The following GALNT18 variants were observed in gnomAD, a reference collection of about 807,000 sequenced individuals.
The protein encoded by GALNT18 is GalNAc-transferase 18.
In GALNT18, 44 loss-of-function variants were observed where a neutral mutation model predicts 69.5. The ratio of observed to expected loss-of-function variants is 0.63; its 90% CI spans 0.50 to 0.81. The LOEUF (loss-of-function observed/expected upper bound fraction) is 0.81. Among genes scored for constraint, GALNT18 ranks in the 40% least tolerant of loss-of-function variants. GALNT18 has a pLI of 0.00. For missense variants in GALNT18, 715 were observed against 810.0 expected, an observed-to-expected ratio of 0.88 and a Z score of 1.42; for synonymous variants, 364 against 318.2, an observed-to-expected ratio of 1.14 and a Z score of -1.53.
rs1855005209 is a variant in GALNT18 at position 11,421,598 on chromosome 11, G to A, written c.595+11023C>T. 6.6e-6 allele frequency among the ~76,000 whole-genome samples: 1 copy of A among 152,146 alleles called. No individual in the cohort carries two copies. The highest frequency in any genetic ancestry group is 1.5e-5 in the Non-Finnish European group (1 of 68,032). ...AACAGCAAGTTGACAGGAAACAGAG[G>A]CAGGCCAAACGCAGGACCAATGCAG... is the stretch of plus-strand genomic sequence containing the variant. On this transcript the variant is annotated intron_variant, in intron 3 of 10. Coordinates refer to ENST00000227756, the MANE Select transcript of GALNT18 (RefSeq NM_198516.3). This position sits in a 1 kb window ranked among gnomAD's most constrained non-coding sequence, Gnocchi z 5.6.
At chr11:11,553,188 G>A (rs1179856787) in intron 1 of GALNT18, among the ~76,000 whole-genome samples, 1 of 152,164 alleles carries the variant, frequency 6.6e-6, no homozygotes, top group Non-Finnish European at 1.5e-5. Context: ...TCTCAAGTTC[G>A]AGAACCACTC....
chr11:11,432,691 G>C lies in GALNT18; in HGVS notation c.525C>G (p.His175Gln), dbSNP rs759034182. Residue 175 changes from histidine (H) to glutamine (Q), a missense_variant, in exon 3 of 11, where the codon CAC becomes CAG. Transcript: ENST00000227756. This position sits in a 1 kb window ranked among gnomAD's most constrained non-coding sequence, Gnocchi z 5.8. The stretch of plus-strand genomic sequence containing the variant: ...GTGGGGGCGTGCGTTCCATGGCCGA[G>C]TGGATGGAGCGCAGCAGCACTGAAA... Reference protein sequence around the residue: ...EALSVLLRSIHSAMERTPPHL... With the variant: ...EALSVLLRSIQSAMERTPPHL... The C allele has an allele frequency of 6.2e-7, 1 of 1,613,714 alleles. No homozygotes were observed. The highest frequency in any genetic ancestry group is 1.1e-5 in the South Asian group (1 of 90,866).
In GALNT18 at chr11:11,387,853, C is replaced by G. The variant is rs535819531; in HGVS notation, c.596-8589G>C. Among the ~76,000 whole-genome samples, 2 of 152,202 alleles carry G rather than the reference C, an allele frequency of 1.3e-5. No individual in the cohort carries two copies. The highest frequency in any genetic ancestry group is 4.8e-5 in the African/African-American group (2 of 41,458). ...GGGCAGCTGGGATCCCGGAGAGCTC[C>G]GGGCAGCATTGCTGCGTGTATTCCT... On this transcript the variant is annotated intron_variant, in intron 3 of 10. Transcript: ENST00000227756. This position sits in a 1 kb window ranked among gnomAD's most constrained non-coding sequence, Gnocchi z 4.6.
chr11:11,459,654 G>A lies in GALNT18; in HGVS notation c.236-10718C>T, dbSNP rs920548849. On this transcript the variant is annotated intron_variant, in intron 1 of 10. Transcript: ENST00000227756. The surrounding 1 kb of genome is among the most constrained non-coding windows in gnomAD (Gnocchi z 5.0). Reference sequence around the variant, plus strand: ...CCTCTCTGAAGCTCAGCTTGCTGTCGAATGTGGATAATAATGTCTATGTCT... The same window carrying A: ...CCTCTCTGAAGCTCAGCTTGCTGTCAAATGTGGATAATAATGTCTATGTCT... Among the ~76,000 whole-genome samples, 3 of 152,194 alleles carry A rather than the reference G, an allele frequency of 2.0e-5. No homozygotes were observed. Among genetic ancestry groups the A allele is most frequent in the African/African-American group, 7.2e-5 (3 of 41,438 alleles).
At chr11:11,588,634 T>C (rs1859280802) in intron 1 of GALNT18, among the ~76,000 whole-genome samples, 1 of 152,214 alleles carries the variant, frequency 6.6e-6, no homozygotes, top group South Asian at 2.1e-4. Flanking sequence ...AGAAGAGGCT[T>C]ATCCAGGTCA....
chr11:11,292,991 C>G (rs10437598), intron 10 of GALNT18, 38 bp downstream of exon 10: 1 of 1,334,450 alleles, frequency 7.5e-7, no homozygotes. Flanking sequence ...TGGTTTTCCA[C>G]GATGGCTGCC....
At chr11:11,328,907 T>G (rs983085683) in intron 8 of GALNT18, among the ~76,000 whole-genome samples, 3 of 152,176 alleles carry the variant, frequency 2.0e-5, no homozygotes. Flanking sequence ...GGCTTTCCCC[T>G]GGGTTCTTAA....
chr11:11,410,185 G>A (rs1450769778), intron 3 of GALNT18, among the ~76,000 whole-genome samples: 2 of 152,158 alleles, frequency 1.3e-5, no homozygotes. Flanking sequence ...CTGTTTCCCT[G>A]TGTCCTCTCT....
chr11:11,330,799 G>A (rs540069353), intron 8 of GALNT18, among the ~76,000 whole-genome samples: 41 of 152,344 alleles, frequency 2.7e-4, no homozygotes, highest in African/African-American at 8.2e-4. Flanking sequence ...CTTGGAGGAT[G>A]AGAATGCCTT....
rs1206499612 is a variant in GALNT18, at chr11:11,314,364, T to C, written c.1512+12722A>G. On this transcript the variant is annotated intron_variant, in intron 9 of 10. Coordinates refer to ENST00000227756, the MANE Select transcript of GALNT18 (RefSeq NM_198516.3). This position sits in a 1 kb window ranked among gnomAD's most constrained non-coding sequence, Gnocchi z 5.2. ...TGAAGAACATATCATGTGGAATGAA[T>C]AACAAATCAAGCAGCTCCTTTTTTT... Among the ~76,000 whole-genome samples, 1 of 137,258 alleles carries C rather than the reference T, an allele frequency of 7.3e-6. No individual in the cohort carries two copies. Among genetic ancestry groups the C allele is most frequent in the African/African-American group, 2.8e-5 (1 of 36,324 alleles). The allele number at this position is 137,258 out of a possible 152,430, so 90.0% of individuals were successfully genotyped here.
At chr11:11,343,263 G>A (rs1056287945) in intron 6 of GALNT18, among the ~76,000 whole-genome samples, 1 of 152,040 alleles carries the variant, frequency 6.6e-6, no homozygotes, top group Non-Finnish European at 1.5e-5. Context: ...CAGGAGGATC[G>A]CTTGAGCCCA....
Position 11,598,587 on chromosome 11 carries a change from T to C in GALNT18, c.235+22772A>G, listed in dbSNP as rs1398751927. Among the ~76,000 whole-genome samples the C allele has an allele frequency of 6.6e-6, 1 of 152,220 alleles. No homozygotes were observed. The highest frequency in any genetic ancestry group is 1.5e-5 in the Non-Finnish European group (1 of 68,032). On this transcript the variant is annotated intron_variant, in intron 1 of 10. Transcript: ENST00000227756. The surrounding 1 kb of genome is among the most constrained non-coding windows in gnomAD (Gnocchi z 4.8). Reference sequence around the variant, plus strand: ...CCCATCATCTCAAAACCTTAACTAATTCACATTTGCAAAGAGTCTTTTTTC... The same window carrying C: ...CCCATCATCTCAAAACCTTAACTAACTCACATTTGCAAAGAGTCTTTTTTC...
chr11:11,467,138 T>C (rs887812043), intron 1 of GALNT18, among the ~76,000 whole-genome samples: 2 of 152,052 alleles, frequency 1.3e-5, no homozygotes, highest in Non-Finnish European at 2.9e-5. Context: ...AAGATAGACA[T>C]CACCGTGTGT....
At chr11:11,354,880 C>T (rs1427806665) in intron 6 of GALNT18, among the ~76,000 whole-genome samples, 1 of 152,186 alleles carries the variant, frequency 6.6e-6, no homozygotes, top group Non-Finnish European at 1.5e-5. Flanking sequence ...CATCTAATAG[C>T]CGAAGCCTGT....
rs1857051024 is a variant in GALNT18, at chr11:11,505,409, A to C, written c.236-56473T>G. Among the ~76,000 whole-genome samples, 1 of 152,196 alleles carries C rather than the reference A, an allele frequency of 6.6e-6. No individual in the cohort carries two copies. The highest frequency in any genetic ancestry group is 6.5e-5 in the Admixed American group (1 of 15,276). On this transcript the variant is annotated intron_variant, in intron 1 of 10. Coordinates refer to ENST00000227756, the MANE Select transcript of GALNT18 (RefSeq NM_198516.3). The surrounding 1 kb of genome is among the most constrained non-coding windows in gnomAD (Gnocchi z 4.6). The stretch of plus-strand genomic sequence containing the variant: ...GCAGGCAGATGGCATGCATACCAGC[A>C]CTGACTCCTATGCCCACAGCAGATC...
chr11:11,320,257 A>G lies in GALNT18; in HGVS notation c.1512+6829T>C, dbSNP rs982004502. Among the ~76,000 whole-genome samples the G allele has an allele frequency of 1.3e-5, 2 of 152,210 alleles. No individual in the cohort carries two copies. The highest frequency in any genetic ancestry group is 2.9e-5 in the Non-Finnish European group (2 of 68,034). On this transcript the variant is annotated intron_variant, in intron 9 of 10. Transcript: ENST00000227756. This position sits in a 1 kb window ranked among gnomAD's most constrained non-coding sequence, Gnocchi z 4.9. ...TATGTAAGTTTTCATAGAAGAGGTCAGAAATACCGTTACCCTGGCTTGGTC... is the reference window on the plus strand; with the variant it reads ...TATGTAAGTTTTCATAGAAGAGGTCGGAAATACCGTTACCCTGGCTTGGTC...
At chr11:11,485,123 A>T (rs1296101874) in intron 1 of GALNT18, among the ~76,000 whole-genome samples, 1 of 152,234 alleles carries the variant, frequency 6.6e-6, no homozygotes, top group Non-Finnish European at 1.5e-5. Context: ...AAAGGGGAAA[A>T]AAGGGTTTCC....
At chr11:11,288,818 G>C (rs1245593201) in intron 10 of GALNT18, among the ~76,000 whole-genome samples, 6 of 152,092 alleles carry the variant, frequency 3.9e-5, no homozygotes, top group Non-Finnish European at 5.9e-5. Context: ...ATCAGGGTAT[G>C]AGATGGAACA....
rs1856092555 is a variant in GALNT18, at chr11:11,463,545, G to A, written c.236-14609C>T. On this transcript the variant is annotated intron_variant, in intron 1 of 10. Coordinates refer to ENST00000227756, the MANE Select transcript of GALNT18 (RefSeq NM_198516.3). This position sits in a 1 kb window ranked among gnomAD's most constrained non-coding sequence, Gnocchi z 4.2. ...CTGTTGTGGCCCCAGGGCTGAGCGT[G>A]CCATCACTCCCAGCAGCTGTCGGCT... Among the ~76,000 whole-genome samples the A allele has an allele frequency of 6.6e-6, 1 of 152,154 alleles. No individual in the cohort carries two copies. Among genetic ancestry groups the A allele is most frequent in the African/African-American group, 2.4e-5 (1 of 41,448 alleles).
Sources: allele counts gnomAD v4.1 joint callset (sites outside exome capture counted in the v4.1 genomes callset), GRCh38; gene constraint gnomAD v4.1.1; non-coding constraint Gnocchi (gnomAD v3.1); transcripts MANE v1.5; gene names NCBI Gene and HGNC (gene_info 2026-07-23, HGNC 2026-07-21).